Variants in ABCC4 observed in about 807,000 individuals in gnomAD.
ABCC4 encodes the protein ATP-binding cassette sub-family C member 4.
A neutral mutation model predicts 168.5 loss-of-function variants in ABCC4; 102 were observed. That is an observed-to-expected ratio of 0.61 (90% CI 0.52 to 0.71). ABCC4 has a LOEUF of 0.71. ABCC4 is among the 30% of genes least tolerant of loss of function. The probability of loss-of-function intolerance (pLI) is 0.00; values close to 1 mark genes in which losing one functional copy is unlikely to be tolerated. For synonymous variants in ABCC4, 617 were observed against 590.7 expected, an observed-to-expected ratio of 1.04 and a Z score of -0.65; for missense variants, 1,402 against 1,605.8, an observed-to-expected ratio of 0.87 and a Z score of 2.17.
rs1432497328 is a variant in ABCC4 at position 95,086,086 on chromosome 13, A to AG, written c.2536-2797_2536-2796insC. 4.6e-4 allele frequency among the ~76,000 whole-genome samples: 9 copies of AG among 19,394 alleles called. No individual in the cohort carries two copies. The South Asian group carries it at 0.014, about 30-fold the overall frequency. The allele number at this position is 19,394 out of a possible 152,430, so 12.7% of individuals were successfully genotyped here. A position where few individuals can be genotyped will look rare whatever the true frequency, so the allele number is the denominator to read the frequency against. ...TCTGAATTCTCTAGTTTTTAAGGTT[A>AG]TTGTGTGTGTGTGTGTGTGTGTGTG... On this transcript the variant is annotated intron_variant, in intron 20 of 30. Transcript: ENST00000645237.
At chr13:95,224,023 C>CA (rs886630472) in intron 4 of ABCC4, among the ~76,000 whole-genome samples, 1 of 149,748 alleles carries the variant, frequency 6.7e-6, no homozygotes, top group African/African-American at 2.5e-5. Flanking sequence ...GAGAATAAGT[C>CA]AAAAAAAACT....
At chr13:95,181,656 T>C (rs2037898250) in intron 11 of ABCC4, among the ~76,000 whole-genome samples, 1 of 152,166 alleles carries the variant, frequency 6.6e-6, no homozygotes, top group Admixed American at 6.5e-5. Context: ...ATCTCTAACC[T>C]TCATGACAAC....
chr13:95,284,938 T>C (rs2041223902), intron 1 of ABCC4, among the ~76,000 whole-genome samples: 1 of 152,148 alleles, frequency 6.6e-6, no homozygotes, highest in Non-Finnish European at 1.5e-5. Context: ...TACATAATTA[T>C]AATGTCTAAA....
At chr13:95,033,238 A>G (rs922604545) in intron 30 of ABCC4, among the ~76,000 whole-genome samples, 2 of 152,170 alleles carry the variant, frequency 1.3e-5, no homozygotes, top group Non-Finnish European at 2.9e-5. Context: ...CAAACAAGCA[A>G]TTTTATTCTA....
intron 19 of ABCC4, among the ~76,000 whole-genome samples, chr13:95,123,847 G>A (rs2035660291): frequency 6.6e-6 from 1 of 152,246 alleles, no homozygotes; most frequent in Non-Finnish European, 1.5e-5. Flanking sequence ...ACCAGCTGGT[G>A]CGGGTTACCA....
intron 1 of ABCC4, among the ~76,000 whole-genome samples, chr13:95,284,642 A>C (rs1333337209): frequency 6.6e-6 from 1 of 152,182 alleles, no homozygotes; most frequent in African/African-American, 2.4e-5. Flanking sequence ...CAAACAGCAG[A>C]GACTCAAAAA....
chr13:95,159,134 A>ATAG (rs2036998473), intron 19 of ABCC4, among the ~76,000 whole-genome samples: 4 of 46,396 alleles, frequency 8.6e-5, no homozygotes, highest in Non-Finnish European at 1.7e-4. Context: ...TATATATATA[A>ATAG]CTATTGAAGT....
chr13:95,150,473 G>GT (rs903616194), intron 19 of ABCC4, among the ~76,000 whole-genome samples: 20 of 152,092 alleles, frequency 1.3e-4, no homozygotes, highest in African/African-American at 4.6e-4. Flanking sequence ...AAAATGTCCT[G>GT]TTTTTTTCCT....
chr13:95,061,415 T>C (rs2033287460), intron 26 of ABCC4, among the ~76,000 whole-genome samples: 1 of 152,206 alleles, frequency 6.6e-6, no homozygotes, highest in Non-Finnish European at 1.5e-5. Context: ...AGGATAGCCA[T>C]AACTGTACTT....
intron 20 of ABCC4, among the ~76,000 whole-genome samples, chr13:95,092,402 T>A (rs1164481422): frequency 2.0e-5 from 3 of 152,170 alleles, no homozygotes; most frequent in Non-Finnish European, 2.9e-5. Flanking sequence ...AGATAGACCA[T>A]ATGATTCAAC....
intron 3 of ABCC4, among the ~76,000 whole-genome samples, chr13:95,235,247 T>C (rs529145361): frequency 2.6e-5 from 4 of 152,326 alleles, no homozygotes; most frequent in East Asian, 3.9e-4. Flanking sequence ...ATCACTCATC[T>C]AAAAGAAAAG....
intron 1 of ABCC4, among the ~76,000 whole-genome samples, chr13:95,287,061 G>A (rs942175633): frequency 5.9e-5 from 9 of 152,156 alleles, no homozygotes; most frequent in Non-Finnish European, 4.4e-5. Flanking sequence ...CACTTTGGGA[G>A]GCCAAGGTGG....
chr13:95,026,319 C>T (rs768793422), intron 30 of ABCC4, among the ~76,000 whole-genome samples: 2 of 152,008 alleles, frequency 1.3e-5, no homozygotes, highest in Non-Finnish European at 2.9e-5. Context: ...GCTGAAAAAA[C>T]AGTGTGAGAC....
At chr13:95,032,010 G>A (rs749070472) in intron 30 of ABCC4, among the ~76,000 whole-genome samples, 23 of 152,188 alleles carry the variant, frequency 1.5e-4, no homozygotes, top group Non-Finnish European at 2.9e-4. Context: ...TTTGTGACTA[G>A]ATTATACAGG....
chr13:95,150,450 A>G (rs1712064315), intron 19 of ABCC4, among the ~76,000 whole-genome samples: 1 of 152,152 alleles, frequency 6.6e-6, no homozygotes, highest in African/African-American at 2.4e-5. Flanking sequence ...TGTTTTTAAT[A>G]AACTTCCTCT....
chr13:95,068,134 C>T (rs879386371), intron 25 of ABCC4, among the ~76,000 whole-genome samples: 1 of 152,228 alleles, frequency 6.6e-6, no homozygotes, highest in Admixed American at 6.5e-5. Flanking sequence ...CACATTCCTA[C>T]ATCTCCACTG....
intron 20 of ABCC4, among the ~76,000 whole-genome samples, chr13:95,085,119 C>T (rs2034215545): frequency 6.6e-6 from 1 of 152,138 alleles, no homozygotes; most frequent in South Asian, 2.1e-4. Context: ...TACATGACTT[C>T]AGCAGAAAGT....
At position 95,034,716 on chromosome 13, in the gene ABCC4, T is replaced by C. The variant is rs2032045446; in HGVS notation, c.3759A>G (p.Lys1253=). Residue 1253 remains lysine (K), a synonymous_variant, in exon 30 of 31, where the codon AAA becomes AAG. Transcript: ENST00000645237. ...KIMVLDSGRL[K]EYDEPYVLLQ... Reference sequence around the variant, plus strand: ...GCAAAACATACGGCTCATCATATTCTTTCAGTCTTCCTGAATCTAAAACCT... The same window carrying C: ...GCAAAACATACGGCTCATCATATTCCTTCAGTCTTCCTGAATCTAAAACCT... 4 of 1,614,176 alleles carry C rather than the reference T, an allele frequency of 2.5e-6. No homozygotes were observed. In the South Asian group the frequency reaches 4.4e-5, roughly 18 times the overall value.
intron 24 of ABCC4, 132 bp downstream of exon 24, chr13:95,073,072 G>A: frequency 3.2e-6 from 2 of 634,032 alleles, no homozygotes; most frequent in Non-Finnish European, 2.7e-6. Context: ...AACAGATGGA[G>A]GAAGGATCTT....
Sources: allele counts gnomAD v4.1 joint callset (sites outside exome capture counted in the v4.1 genomes callset), GRCh38; gene constraint gnomAD v4.1.1; transcripts MANE v1.5; gene names NCBI Gene and HGNC (gene_info 2026-07-23, HGNC 2026-07-21).